The following NKAIN2 variants were observed in gnomAD, a reference collection of about 807,000 sequenced individuals.
NKAIN2 encodes sodium/potassium-transporting ATPase subunit beta-1-interacting protein 2.
A neutral mutation model predicts 32.6 loss-of-function variants in NKAIN2; 14 were observed. That is an observed-to-expected ratio of 0.43 (90% confidence interval 0.28 to 0.67). The LOEUF is 0.67. Among genes scored for constraint, NKAIN2 ranks in the 30% least tolerant of loss-of-function variants. The pLI is 0.17. For missense variants in NKAIN2, 198 were observed against 258.3 expected, an observed-to-expected ratio of 0.77 and a Z score of 1.60; for synonymous variants, 80 against 87.2, an observed-to-expected ratio of 0.92 and a Z score of 0.46.
intron 4 of NKAIN2, among the ~76,000 whole-genome samples, chr6:124,786,239 T>A (rs578104918): frequency 8.5e-5 from 13 of 152,110 alleles, no homozygotes; most frequent in Non-Finnish European, 5.9e-5. Context: ...TCATGTACTT[T>A]TTTGAGTACC....
chr6:123,858,538 G>A (rs1286628225), intron 1 of NKAIN2, among the ~76,000 whole-genome samples: 1 of 152,168 alleles, frequency 6.6e-6, no homozygotes, highest in Non-Finnish European at 1.5e-5. Flanking sequence ...AGGATAACAT[G>A]GAGTTATAGA....
At chr6:124,542,635 T>G (rs948260597) in intron 3 of NKAIN2, among the ~76,000 whole-genome samples, 1 of 152,144 alleles carries the variant, frequency 6.6e-6, no homozygotes, top group Non-Finnish European at 1.5e-5. Context: ...TCTCTTAAAA[T>G]CCTCAAAGCC....
At chr6:124,250,479 C>A (rs1049492649) in intron 1 of NKAIN2, among the ~76,000 whole-genome samples, 1 of 151,784 alleles carries the variant, frequency 6.6e-6, no homozygotes, top group African/African-American at 2.4e-5. Context: ...ATTAAATTAC[C>A]GGTAATTTAA....
intron 1 of NKAIN2, among the ~76,000 whole-genome samples, chr6:123,815,730 A>T (rs1773665865): frequency 6.6e-6 from 1 of 152,144 alleles, no homozygotes; most frequent in Non-Finnish European, 1.5e-5. Flanking sequence ...TTTTGAGCTC[A>T]GGAAACATTT....
intron 1 of NKAIN2, among the ~76,000 whole-genome samples, chr6:123,872,970 G>A (rs566963834): frequency 9.2e-5 from 14 of 152,244 alleles, no homozygotes; most frequent in African/African-American, 3.4e-4. Flanking sequence ...TTTTCAAAAA[G>A]TGTTTGTTGA....
intron 1 of NKAIN2, among the ~76,000 whole-genome samples, chr6:124,019,683 A>G (rs953157846): frequency 1.3e-5 from 2 of 152,170 alleles, no homozygotes; most frequent in Non-Finnish European, 1.5e-5. Context: ...CCCTTTCAAT[A>G]TAAGTGTGTA....
chr6:124,266,731 G>A (rs1013192177), intron 1 of NKAIN2, among the ~76,000 whole-genome samples: 2 of 152,108 alleles, frequency 1.3e-5, no homozygotes, highest in Admixed American at 6.5e-5. Context: ...AGCATAGTGA[G>A]GTAACATAAA....
chr6:124,575,326 T>C (rs1308407760), intron 3 of NKAIN2, among the ~76,000 whole-genome samples: 1 of 152,216 alleles, frequency 6.6e-6, no homozygotes, highest in African/African-American at 2.4e-5. Context: ...ACAATTGTCA[T>C]ACTTTGGATA....
intron 1 of NKAIN2, among the ~76,000 whole-genome samples, chr6:123,829,910 G>C (rs1774305789): frequency 6.6e-6 from 1 of 152,112 alleles, no homozygotes; most frequent in African/African-American, 2.4e-5. Context: ...CTACACTTCT[G>C]CATAAGCTGG....
At chr6:124,817,729 G>A (rs1401395562) in intron 5 of NKAIN2, among the ~76,000 whole-genome samples, 1 of 152,108 alleles carries the variant, frequency 6.6e-6, no homozygotes, top group Non-Finnish European at 1.5e-5. Context: ...CCGCCATTTT[G>A]GAAAATATAA....
At chr6:123,975,039 G>C (rs1343507349) in intron 1 of NKAIN2, among the ~76,000 whole-genome samples, 3 of 152,118 alleles carry the variant, frequency 2.0e-5, no homozygotes, top group Admixed American at 2.0e-4. Flanking sequence ...TGGTTATTAA[G>C]GGGAAGGGAG....
chr6:124,592,873 A>C (rs1781961403), intron 3 of NKAIN2, among the ~76,000 whole-genome samples: 1 of 152,154 alleles, frequency 6.6e-6, no homozygotes, highest in Non-Finnish European at 1.5e-5. Flanking sequence ...GAACTCAAAA[A>C]TGCTAAGTAT....
At chr6:124,110,225 A>G (rs1785317977) in intron 1 of NKAIN2, among the ~76,000 whole-genome samples, 1 of 151,658 alleles carries the variant, frequency 6.6e-6, no homozygotes, top group Non-Finnish European at 1.5e-5. Context: ...AGATAATTTG[A>G]CACAGGCACA....
chr6:123,805,040 A>G (rs1304059062), intron 1 of NKAIN2, among the ~76,000 whole-genome samples: 1 of 152,210 alleles, frequency 6.6e-6, no homozygotes, highest in Non-Finnish European at 1.5e-5. Flanking sequence ...CAAAGGGGCA[A>G]GGAACCAATA....
rs139213528 is a variant in NKAIN2 at position 123,945,272 on chromosome 6, A to G, written c.54+141018A>G. Among the ~76,000 whole-genome samples, 282 of 152,172 alleles carry G rather than the reference A, an allele frequency of 1.9e-3. 2 individuals are homozygous for G. The highest frequency in any genetic ancestry group is 3.5e-3 in the Non-Finnish European group (241 of 67,994). ...GTCAAGATTAGTCCAGCTACTTCCA[A>G]TGTTGAGGCTCTGGTGCATTAGAAA... On this transcript the variant is annotated intron_variant, in intron 1 of 6. Transcript: ENST00000368417.
chr6:124,561,821 A>G (rs1052836267), intron 3 of NKAIN2, among the ~76,000 whole-genome samples: 3 of 152,216 alleles, frequency 2.0e-5, no homozygotes, highest in Non-Finnish European at 2.9e-5. Context: ...CTTGTGGACT[A>G]TTAACAGTGG....
At chr6:124,149,599 G>A (rs1349466500) in intron 1 of NKAIN2, among the ~76,000 whole-genome samples, 4 of 152,076 alleles carry the variant, frequency 2.6e-5, no homozygotes, top group African/African-American at 7.2e-5. Context: ...TAAATGTAAG[G>A]GTTTATTTCT....
intron 4 of NKAIN2, among the ~76,000 whole-genome samples, chr6:124,751,170 C>T (rs940979838): frequency 5.9e-5 from 9 of 151,988 alleles, no homozygotes; most frequent in Admixed American, 2.6e-4. Context: ...CACCTAATGA[C>T]GTTAGGCTCC....
intron 4 of NKAIN2, among the ~76,000 whole-genome samples, chr6:124,662,725 T>C (rs1227589600): frequency 6.6e-6 from 1 of 152,220 alleles, no homozygotes; most frequent in Non-Finnish European, 1.5e-5. Context: ...TGAGGTTGTG[T>C]TGGGAATGGC....
Sources: gnomAD v4.1 joint callset for allele counts (sites outside exome capture counted in the v4.1 genomes callset) on GRCh38, gnomAD v4.1.1 for gene constraint, MANE v1.5 for transcripts, NCBI Gene and HGNC (gene_info 2026-07-23, HGNC 2026-07-21) for gene names.